Variants in TEX36 observed in about 807,000 individuals in gnomAD.
The protein encoded by TEX36 is testis expressed 36.
TEX36 carries 12 observed loss-of-function variants against 13.6 expected under a neutral mutation model. The observed-to-expected ratio is 0.88, with a 90% CI of 0.56 to 1.43. TEX36 has a LOEUF of 1.43. TEX36 is among the 40% of genes most tolerant of loss of function. The pLI is 0.00. For synonymous variants in TEX36, 93 were observed against 83.0 expected, an observed-to-expected ratio of 1.12 and a Z score of -0.65; for missense variants, 224 against 228.3, an observed-to-expected ratio of 0.98 and a Z score of 0.12.
Position 125,683,048 on chromosome 10 carries a change from C to A in TEX36, c.-59G>T. ...CTCCCTCACCTCTCCATAAGCTCTA[C>A]ATGTCTGGGAAGCTGCTTCCTAAAC... On this transcript the variant is annotated 5_prime_UTR_variant, in exon 1 of 4. An upstream start codon of the reference 5' UTR is lost. Transcript: ENST00000368821. 6.5e-7 allele frequency: 1 copy of A among 1,538,110 alleles called. No individual in the cohort carries two copies. Among genetic ancestry groups the A allele is most frequent in the Non-Finnish European group, 8.8e-7 (1 of 1,134,634 alleles).
rs117723506 is a variant in TEX36, at chr10:125,595,256, T to G, written c.265-18382A>C. The stretch of plus-strand genomic sequence containing the variant: ...TGAGCTTTACCAGGCCTGCAAATAA[T>G]AAATAGGTTGTCCCTCCCTCATAAA... On this transcript the variant is annotated intron_variant, in intron 3 of 3. Coordinates refer to the TEX36 transcript ENST00000532135. Among the ~76,000 whole-genome samples, 1,470 of 152,096 alleles carry G rather than the reference T, an allele frequency of 9.7e-3. 8 individuals carry two copies. The highest frequency in any genetic ancestry group is 0.024 in the Admixed American group (367 of 15,278).
intron 3 of TEX36, among the ~76,000 whole-genome samples, chr10:125,643,743 C>T (rs1350938273): frequency 6.7e-6 from 1 of 149,088 alleles, no homozygotes; most frequent in Non-Finnish European, 1.5e-5. Context: ...GAGACTCTGT[C>T]TCAAAAAAAA....
At chr10:125,644,683 A>G (rs1472708651) in intron 3 of TEX36, among the ~76,000 whole-genome samples, 1 of 152,234 alleles carries the variant, frequency 6.6e-6, no homozygotes, top group Non-Finnish European at 1.5e-5. Context: ...TCACTCTTGT[A>G]TAATCCCCTG....
downstream of TEX36, among the ~76,000 whole-genome samples, chr10:125,620,721 T>A (rs1846419570): frequency 6.6e-6 from 1 of 152,202 alleles, no homozygotes; most frequent in Admixed American, 6.5e-5. Context: ...ATGCAACCCA[T>A]CTCCAGAACA....
At chr10:125,577,989 G>A (rs1460930887) in intron 3 of TEX36, among the ~76,000 whole-genome samples, 1 of 152,224 alleles carries the variant, frequency 6.6e-6, no homozygotes, top group Non-Finnish European at 1.5e-5. Context: ...AGCATGCCTT[G>A]AAATGGCTAT....
chr10:125,601,177 T>C (rs1846140758), intron 3 of TEX36, among the ~76,000 whole-genome samples: 1 of 152,264 alleles, frequency 6.6e-6, no homozygotes, highest in South Asian at 2.1e-4. Flanking sequence ...CAGTTAATCA[T>C]AACAGCTAAT....
At chr10:125,649,188 C>G (rs955074935) in intron 3 of TEX36, among the ~76,000 whole-genome samples, 6 of 152,096 alleles carry the variant, frequency 3.9e-5, no homozygotes, top group Non-Finnish European at 7.4e-5. Context: ...AGTGCAACTC[C>G]AAGACACATA....
At chr10:125,623,656 G>A (rs1215161720) in intron 3 of TEX36, among the ~76,000 whole-genome samples, 2 of 152,030 alleles carry the variant, frequency 1.3e-5, no homozygotes, top group African/African-American at 4.8e-5. Flanking sequence ...GAAGGTGCGA[G>A]GCCCTGTACG....
Position 125,667,772 on chromosome 10 carries a change from CAGT to C in TEX36, c.52-5798_52-5796del, listed in dbSNP as rs947654073. 1.2e-5 allele frequency: 11 copies of C among 909,780 alleles called. No individual in the cohort carries two copies. In the African/African-American group the frequency reaches 1.8e-4, roughly 15 times the overall value. The allele number at this position is 909,780 out of a possible 1,614,324, so 56.4% of individuals were successfully genotyped here. On this transcript the variant is annotated intron_variant, in intron 1 of 3. Coordinates refer to ENST00000368821, the MANE Select transcript of TEX36 (RefSeq NM_001128202.3). ...GTCGTCAGCTGTCAGCAGCAGCTGA[CAGT>C]AGAAGCGCCAGTTCTCTTTGGTGTT...
At chr10:125,681,621 T>C (rs1847395017) in intron 1 of TEX36, among the ~76,000 whole-genome samples, 1 of 152,272 alleles carries the variant, frequency 6.6e-6, no homozygotes, top group Non-Finnish European at 1.5e-5. Flanking sequence ...CTAAAGTATT[T>C]ATAAAACTAG....
intron 3 of TEX36, among the ~76,000 whole-genome samples, chr10:125,647,659 C>G (rs1437088394): frequency 6.6e-6 from 1 of 152,202 alleles, no homozygotes. Context: ...GTTCATCTCA[C>G]TGGGGCTTGT....
downstream of TEX36, among the ~76,000 whole-genome samples, chr10:125,654,491 TA>T (rs1351201808): frequency 6.6e-6 from 1 of 152,186 alleles, no homozygotes; most frequent in Non-Finnish European, 1.5e-5. Context: ...AATTAAAAGC[TA>T]AATTTGGGGA....
intron 1 of TEX36, among the ~76,000 whole-genome samples, chr10:125,672,171 G>A (rs1847243251): frequency 6.6e-6 from 1 of 152,018 alleles, no homozygotes; most frequent in African/African-American, 2.4e-5. Context: ...TCTTCTGCTA[G>A]CTTTGGGGTT....
chr10:125,673,540 G>T (rs572312400), intron 1 of TEX36, among the ~76,000 whole-genome samples: 1 of 151,704 alleles, frequency 6.6e-6, no homozygotes, highest in East Asian at 1.9e-4. Flanking sequence ...GTGAAACCCC[G>T]TCTCTGCTAT....
intron 3 of TEX36, among the ~76,000 whole-genome samples, chr10:125,624,141 T>C (rs1288887008): frequency 6.6e-6 from 1 of 152,202 alleles, no homozygotes; most frequent in Non-Finnish European, 1.5e-5. Flanking sequence ...TGTTACAGGC[T>C]CAGAAAGGCA....
At chr10:125,666,884 A>G (rs961677923) in intron 1 of TEX36, 6 of 391,196 alleles carry the variant, frequency 1.5e-5, no homozygotes, top group Non-Finnish European at 2.9e-5. Flanking sequence ...CTTAGTAGGT[A>G]TGGTTAGAGA....
chr10:125,621,760 C>A, intron 3 of TEX36: 1 of 421,536 alleles, frequency 2.4e-6, no homozygotes, highest in Non-Finnish European at 4.7e-6. Flanking sequence ...CCCCCAGAAG[C>A]CACTGGTTCA....
intron 3 of TEX36, among the ~76,000 whole-genome samples, chr10:125,638,657 A>T (rs534381295): frequency 1.2e-3 from 176 of 152,314 alleles, no homozygotes; most frequent in African/African-American, 4.0e-3. Context: ...CTACGTGTCT[A>T]GTCCTGAGCT....
intron 3 of TEX36, among the ~76,000 whole-genome samples, chr10:125,648,280 G>T (rs901664561): frequency 6.6e-6 from 1 of 152,218 alleles, no homozygotes; most frequent in African/African-American, 2.4e-5. Context: ...ATCTCATACA[G>T]TTGGGTGCCC....
Sources: gnomAD v4.1 joint callset for allele counts (sites outside exome capture counted in the v4.1 genomes callset) on GRCh38, gnomAD v4.1.1 for gene constraint, MANE v1.5 for transcripts, NCBI Gene and HGNC (gene_info 2026-07-23, HGNC 2026-07-21) for gene names.